ZMAT4: variants seen among roughly 807,000 people sequenced by gnomAD.
ZMAT4 encodes zinc finger matrin-type protein 4.
Under a neutral mutation model 28.7 loss-of-function variants are expected in ZMAT4, and 17 were observed. The observed-to-expected ratio is 0.59, with a 90% CI of 0.41 to 0.89. The LOEUF is 0.89. Among genes scored for constraint, ZMAT4 ranks in the 40% least tolerant of loss-of-function variants. The pLI is 0.00. For synonymous variants in ZMAT4, 117 were observed against 109.2 expected, an observed-to-expected ratio of 1.07 and a Z score of -0.44; for missense variants, 240 against 283.8, an observed-to-expected ratio of 0.85 and a Z score of 1.11.
At chr8:40,703,701 T>C (rs1441951002) in intron 3 of ZMAT4, among the ~76,000 whole-genome samples, 1 of 152,190 alleles carries the variant, frequency 6.6e-6, no homozygotes, top group Non-Finnish European at 1.5e-5. Flanking sequence ...CCTAAAACCC[T>C]TGAATTTTAT....
chr8:40,601,399 GGAAA>G (rs61338699), intron 5 of ZMAT4, among the ~76,000 whole-genome samples: 17,976 of 45,486 alleles, frequency 0.4, 3,934 homozygotes, highest in Middle Eastern at 0.56. Context: ...GAAGGAAGGA[GGAAA>G]GAAAGGAAGG....
chr8:40,772,866 T>C (rs1813439546), intron 2 of ZMAT4, among the ~76,000 whole-genome samples: 4 of 152,030 alleles, frequency 2.6e-5, no homozygotes, highest in Admixed American at 2.6e-4. Context: ...GAGGAGCCAA[T>C]AGGGAAGGGA....
intron 2 of ZMAT4, among the ~76,000 whole-genome samples, chr8:40,813,491 C>T (rs1399903554): frequency 6.6e-6 from 1 of 152,166 alleles, no homozygotes; most frequent in African/African-American, 2.4e-5. Flanking sequence ...GAATTCACTC[C>T]AGGGGTAGAA....
At chr8:40,634,630 G>A (rs895545148) in intron 5 of ZMAT4, among the ~76,000 whole-genome samples, 1 of 152,210 alleles carries the variant, frequency 6.6e-6, no homozygotes, top group Non-Finnish European at 1.5e-5. Flanking sequence ...CTATATGCAA[G>A]GAGCTGGGCA....
At chr8:40,587,079 G>C (rs977565078) in intron 5 of ZMAT4, among the ~76,000 whole-genome samples, 1 of 150,940 alleles carries the variant, frequency 6.6e-6, no homozygotes, top group African/African-American at 2.4e-5. Flanking sequence ...AGTGGAAATG[G>C]GCCTGAACTG....
At chr8:40,593,505 G>A (rs1372316251) in intron 5 of ZMAT4, among the ~76,000 whole-genome samples, 1 of 152,140 alleles carries the variant, frequency 6.6e-6, no homozygotes, top group Non-Finnish European at 1.5e-5. Context: ...ATTTCCCTGA[G>A]TAAGCATCAA....
chr8:40,811,655 T>A (rs1355720294), intron 2 of ZMAT4, among the ~76,000 whole-genome samples: 3 of 152,070 alleles, frequency 2.0e-5, no homozygotes, highest in African/African-American at 7.2e-5. Context: ...TAACTACCCA[T>A]CCCTGAAGGA....
intron 1 of ZMAT4, among the ~76,000 whole-genome samples, chr8:40,856,414 G>T (rs1817301387): frequency 6.6e-6 from 1 of 152,222 alleles, no homozygotes; most frequent in Non-Finnish European, 1.5e-5. Context: ...GGGCAAAGAT[G>T]TGGACAGAGA....
intron 1 of ZMAT4, among the ~76,000 whole-genome samples, chr8:40,890,987 C>G (rs1277632372): frequency 1.3e-5 from 2 of 151,776 alleles, no homozygotes; most frequent in Non-Finnish European, 2.9e-5. Flanking sequence ...CCCAGATGCA[C>G]TCTATCCACC....
intron 6 of ZMAT4, among the ~76,000 whole-genome samples, chr8:40,572,184 T>A (rs1236526771): frequency 2.6e-5 from 4 of 152,166 alleles, no homozygotes; most frequent in African/African-American, 9.6e-5. Context: ...GTATGCTGAA[T>A]GTGGGAAGCG....
chr8:40,627,598 T>G (rs1806422689), intron 5 of ZMAT4, among the ~76,000 whole-genome samples: 2 of 152,226 alleles, frequency 1.3e-5, no homozygotes, highest in South Asian at 4.1e-4. Flanking sequence ...CCATTTAAAA[T>G]TTTTCAACCA....
intron 1 of ZMAT4, among the ~76,000 whole-genome samples, chr8:40,859,787 G>T (rs191145798): frequency 1.3e-4 from 19 of 151,716 alleles, no homozygotes; most frequent in Non-Finnish European, 5.9e-5. Flanking sequence ...TAGGTCATGA[G>T]GGGTGAGTGG....
chr8:40,575,252 C>A (rs1345897369), intron 6 of ZMAT4, among the ~76,000 whole-genome samples: 2 of 152,164 alleles, frequency 1.3e-5, no homozygotes, highest in Non-Finnish European at 1.5e-5. Context: ...TCAGACATGT[C>A]CCTGAATTGC....
chr8:40,867,141 A>T (rs1282953366), intron 1 of ZMAT4, among the ~76,000 whole-genome samples: 1 of 152,174 alleles, frequency 6.6e-6, no homozygotes, highest in Non-Finnish European at 1.5e-5. Flanking sequence ...CTGCACCTGC[A>T]TCTTACCCCT....
At chr8:40,639,682 C>T (rs1169567376) in intron 5 of ZMAT4, among the ~76,000 whole-genome samples, 1 of 148,900 alleles carries the variant, frequency 6.7e-6, no homozygotes, top group African/African-American at 2.5e-5. Flanking sequence ...TACAGAGAAC[C>T]TGTATCTGAG....
intron 2 of ZMAT4, among the ~76,000 whole-genome samples, chr8:40,784,526 T>G (rs1329795807): frequency 6.6e-6 from 1 of 152,124 alleles, no homozygotes; most frequent in African/African-American, 2.4e-5. Context: ...ATGGCCACTA[T>G]CACTACTGCT....
intron 2 of ZMAT4, among the ~76,000 whole-genome samples, chr8:40,802,793 G>A (rs554337338): frequency 3.3e-5 from 5 of 152,164 alleles, no homozygotes; most frequent in Non-Finnish European, 7.4e-5. Context: ...AGAACAGTCA[G>A]AGGACTGACA....
intron 3 of ZMAT4, among the ~76,000 whole-genome samples, chr8:40,709,127 A>AAAG (rs1810492988): frequency 6.6e-6 from 1 of 152,198 alleles, no homozygotes; most frequent in African/African-American, 2.4e-5. Flanking sequence ...ACCTACATGC[A>AAAG]TCCTCCTGTA....
intron 1 of ZMAT4, among the ~76,000 whole-genome samples, chr8:40,865,413 G>A (rs186180986): frequency 6.6e-6 from 1 of 152,214 alleles, no homozygotes. Context: ...GCAGATCTGG[G>A]CCATGGAGAG....
Sources: gnomAD v4.1 joint callset for allele counts (sites outside exome capture counted in the v4.1 genomes callset) on GRCh38, gnomAD v4.1.1 for gene constraint, MANE v1.5 for transcripts, NCBI Gene and HGNC (gene_info 2026-07-23, HGNC 2026-07-21) for gene names.